The following GPC5 variants were observed in gnomAD, a reference collection of about 807,000 sequenced individuals.
GPC5 encodes glypican 5.
In GPC5, 47 loss-of-function variants were observed where a neutral mutation model predicts 53.9. That is an observed-to-expected ratio of 0.87 (90% CI 0.69 to 1.11). The LOEUF (loss-of-function observed/expected upper bound fraction) is 1.11. GPC5 is among the 50% of genes most tolerant of loss of function. The pLI is 0.00. For missense variants in GPC5, 748 were observed against 713.1 expected (o/e 1.05, Z -0.56); for synonymous variants, 286 against 263.3 (o/e 1.09, Z -0.84).
At chr13:92,004,457 AT>A (rs1566389108) in intron 6 of GPC5, among the ~76,000 whole-genome samples, 8 of 30,254 alleles carry the variant, frequency 2.6e-4, no homozygotes, top group African/African-American at 7.5e-4. Context: ...AAAAAAAAAA[AT>A]TATATATATA....
Position 92,613,384 on chromosome 13 carries a change from A to AT in GPC5, c.1562-252896dup, listed in dbSNP as rs1472595961. 3.2e-3 allele frequency among the ~76,000 whole-genome samples: 216 copies of AT among 68,514 alleles called. 1 individual carries two copies. Among genetic ancestry groups the AT allele is most frequent in the South Asian group, 0.019 (26 of 1,352 alleles). 44.9% of individuals were successfully genotyped at this position (68,514 alleles called of 152,430 possible). A position where few individuals can be genotyped will look rare whatever the true frequency, so the allele number is the denominator to read the frequency against. On this transcript the variant is annotated intron_variant, in intron 7 of 7. Transcript: ENST00000377067. ...ATATATTTATATATAAATATATTAT[A>AT]TTATATATAAATATATATTATATTA... is the stretch of plus-strand genomic sequence containing the variant.
intron 7 of GPC5, among the ~76,000 whole-genome samples, chr13:92,830,643 T>A (rs1770286257): frequency 6.6e-6 from 1 of 152,114 alleles, no homozygotes. Flanking sequence ...CTTTATATTA[T>A]AAAGGAGTTG....
intron 2 of GPC5, among the ~76,000 whole-genome samples, chr13:91,682,027 A>G (rs1212501975): frequency 2.6e-5 from 4 of 152,156 alleles, no homozygotes; most frequent in African/African-American, 9.7e-5. Context: ...TGATAGTACG[A>G]TATGTGATAT....
chr13:91,869,733 T>C (rs993104023), intron 5 of GPC5, among the ~76,000 whole-genome samples: 1 of 152,152 alleles, frequency 6.6e-6, no homozygotes, highest in African/African-American at 2.4e-5. Context: ...TGATTCACAA[T>C]TCTGCAGGCT....
chr13:92,838,266 C>A (rs1339608905), intron 7 of GPC5, among the ~76,000 whole-genome samples: 1 of 151,676 alleles, frequency 6.6e-6, no homozygotes, highest in Non-Finnish European at 1.5e-5. Flanking sequence ...GGGCGGATCA[C>A]GAGGTCAGGA....
At chr13:92,429,452 TA>T (rs1876987960) in intron 7 of GPC5, among the ~76,000 whole-genome samples, 1 of 151,684 alleles carries the variant, frequency 6.6e-6, no homozygotes, top group South Asian at 2.1e-4. Context: ...AATTTTTAAA[TA>T]ATTTAATAAT....
At chr13:92,746,820 C>G (rs1459221222) in intron 7 of GPC5, among the ~76,000 whole-genome samples, 1 of 152,112 alleles carries the variant, frequency 6.6e-6, no homozygotes, top group East Asian at 1.9e-4. Context: ...CATATACAGT[C>G]ATGCTTTGCT....
chr13:92,681,991 C>A (rs746769385), intron 7 of GPC5, among the ~76,000 whole-genome samples: 1 of 152,144 alleles, frequency 6.6e-6, no homozygotes, highest in Non-Finnish European at 1.5e-5. Flanking sequence ...ATGCATATTT[C>A]CCCCACTGGC....
chr13:92,168,135 A>G (rs1360490244), intron 7 of GPC5, among the ~76,000 whole-genome samples: 1 of 152,176 alleles, frequency 6.6e-6, no homozygotes, highest in Non-Finnish European at 1.5e-5. Flanking sequence ...GGGTTTCTAG[A>G]TGGAGGAGTC....
At chr13:92,518,233 T>C (rs1880873035) in intron 7 of GPC5, among the ~76,000 whole-genome samples, 1 of 152,018 alleles carries the variant, frequency 6.6e-6, no homozygotes. Flanking sequence ...ACTTCCCCAA[T>C]CTAGCAAGGC....
intron 6 of GPC5, among the ~76,000 whole-genome samples, chr13:91,958,022 C>T (rs1400099229): frequency 6.6e-6 from 1 of 151,554 alleles, no homozygotes. Flanking sequence ...TGAGCACTCA[C>T]ATATTGATAA....
chr13:91,904,659 C>T lies in GPC5; in HGVS notation c.1281-3278C>T, dbSNP rs181609197. Reference sequence around the variant, plus strand: ...TACATGGTGGGTTAGTCCAGGTCCTCCAAGAGGTAGATGTTAAAAAGGGGT... The same window carrying T: ...TACATGGTGGGTTAGTCCAGGTCCTTCAAGAGGTAGATGTTAAAAAGGGGT... On this transcript the variant is annotated intron_variant, in intron 5 of 7. Coordinates refer to ENST00000377067, the MANE Select transcript of GPC5 (RefSeq NM_004466.6). Among the ~76,000 whole-genome samples the T allele has an allele frequency of 3.6e-4, 54 of 151,834 alleles. 1 individual carries two copies. In the East Asian group the frequency reaches 9.1e-3, roughly 26 times the overall value.
intron 7 of GPC5, among the ~76,000 whole-genome samples, chr13:92,693,022 G>GT (rs1887458388): frequency 6.6e-6 from 1 of 151,910 alleles, no homozygotes; most frequent in Non-Finnish European, 1.5e-5. Context: ...ATATCTGATG[G>GT]TTAAAAAGTG....
At chr13:92,620,775 C>A (rs937423963) in intron 7 of GPC5, among the ~76,000 whole-genome samples, 19 of 152,180 alleles carry the variant, frequency 1.2e-4, no homozygotes, top group African/African-American at 4.6e-4. Context: ...AAATGTTACA[C>A]TTTATTGAAG....
At chr13:91,476,048 A>G (rs1352401611) in intron 2 of GPC5, among the ~76,000 whole-genome samples, 2 of 152,226 alleles carry the variant, frequency 1.3e-5, no homozygotes, top group Non-Finnish European at 2.9e-5. Flanking sequence ...TGATATGCTA[A>G]AAGCATACCT....
At chr13:92,583,630 G>A (rs1883439715) in intron 7 of GPC5, among the ~76,000 whole-genome samples, 1 of 152,196 alleles carries the variant, frequency 6.6e-6, no homozygotes, top group South Asian at 2.1e-4. Flanking sequence ...GCCATCTTGA[G>A]AGGAGCTTGT....
chr13:92,254,436 C>T (rs2042713104), intron 7 of GPC5, among the ~76,000 whole-genome samples: 1 of 152,046 alleles, frequency 6.6e-6, no homozygotes, highest in Non-Finnish European at 1.5e-5. Flanking sequence ...TAGTTTCTCA[C>T]CTCTTTGACC....
intron 7 of GPC5, among the ~76,000 whole-genome samples, chr13:92,468,119 A>T (rs1453442281): frequency 6.6e-6 from 1 of 152,080 alleles, no homozygotes; most frequent in Admixed American, 6.6e-5. Flanking sequence ...CCAACTCTTT[A>T]TAGGCGAAAA....
chr13:92,506,582 T>C (rs2138943993), intron 7 of GPC5, among the ~76,000 whole-genome samples: 1 of 152,296 alleles, frequency 6.6e-6, no homozygotes, highest in East Asian at 1.9e-4. Context: ...ACCAAACTTA[T>C]AAAATGCACC....
Sources: gnomAD v4.1 joint callset for allele counts (sites outside exome capture counted in the v4.1 genomes callset) on GRCh38, gnomAD v4.1.1 for gene constraint, MANE v1.5 for transcripts, NCBI Gene and HGNC (gene_info 2026-07-23, HGNC 2026-07-21) for gene names.